Variants in AAK1 observed in about 807,000 individuals in gnomAD.
AAK1 encodes the protein AP2 associated kinase 1.
Under a neutral mutation model 116.0 loss-of-function variants are expected in AAK1, and 37 were observed. That is an observed-to-expected ratio of 0.32 (90% confidence interval 0.25 to 0.42). AAK1 has a LOEUF of 0.42. AAK1 is among the 10% of genes least tolerant of loss of function. The pLI, the probability that AAK1 is intolerant of heterozygous loss-of-function variation, is 1.00. For synonymous variants in AAK1, 458 were observed against 439.9 expected, an observed-to-expected ratio of 1.04 and a Z score of -0.51; for missense variants, 919 against 1,170.6, an observed-to-expected ratio of 0.79 and a Z score of 3.14.
chr2:69,519,168 A>T lies in AAK1; in HGVS notation c.1283T>A (p.Leu428Gln). 2 of 1,586,146 alleles carry T rather than the reference A, an allele frequency of 1.3e-6. No individual in the cohort carries two copies. The highest frequency in any genetic ancestry group is 1.7e-6 in the Non-Finnish European group (2 of 1,165,978). ...TGGCTGCTTGGCCTGAGTTTGCGGC[A>T]GAGGCTGGCTGGGTGGGGCTTGGGG... Reference protein sequence around the residue: ...PKPQAPPSQPLPQTQAKQPQA... With the variant: ...PKPQAPPSQPQPQTQAKQPQA... Residue 428 changes from leucine to glutamine, a missense_variant, in exon 12 of 22, where the codon CTG (leucine) becomes CAG (glutamine). By Grantham distance (113) the Leu-to-Gln change is moderately radical. This residue lies in a region of AAK1 where 214 missense variants were observed against 210.6 expected (regional missense o/e 1.02). Coordinates refer to ENST00000409085, the MANE Select transcript of AAK1 (RefSeq NM_014911.5).
chr2:69,522,697 G>A (rs1669840614), intron 10 of AAK1, among the ~76,000 whole-genome samples: 2 of 152,012 alleles, frequency 1.3e-5, no homozygotes, highest in East Asian at 1.9e-4. Flanking sequence ...CCAGCTACTC[G>A]GGAGGCTGAG....
chr2:69,589,804 G>A (rs1191190267), intron 2 of AAK1, among the ~76,000 whole-genome samples: 1 of 151,986 alleles, frequency 6.6e-6, no homozygotes, highest in Non-Finnish European at 1.5e-5. Flanking sequence ...GCAATCCCTA[G>A]GAATGATCTG....
chr2:69,576,062 G>C (rs780432498), intron 2 of AAK1, among the ~76,000 whole-genome samples: 3 of 152,160 alleles, frequency 2.0e-5, no homozygotes, highest in Non-Finnish European at 4.4e-5. Context: ...AAAGAAGAAT[G>C]AAAGTACCCT....
At chr2:69,518,910 A>G in intron 12 of AAK1, 44 bp downstream of exon 12, 1 of 1,493,522 alleles carries the variant, frequency 6.7e-7, no homozygotes, top group Non-Finnish European at 8.9e-7. Context: ...TTTCACAGTC[A>G]TGACTCAGAT....
chr2:69,482,537 A>G (rs1457313961), intron 18 of AAK1, 174 bp downstream of exon 18: 1 of 715,022 alleles, frequency 1.4e-6, no homozygotes, highest in African/African-American at 1.8e-5. Flanking sequence ...TAGACGTTGT[A>G]CCCCCGAAAA....
At position 69,480,967 on chromosome 2, in the gene AAK1, G is replaced by T; in HGVS notation, c.2468-6C>A. 1 of 1,592,986 alleles carries T rather than the reference G, an allele frequency of 6.3e-7. No individual in the cohort carries two copies. Among genetic ancestry groups the T allele is most frequent in the Non-Finnish European group, 8.6e-7 (1 of 1,169,346 alleles). ...AACAGCAACATCAGCTTTTTCTTTC[G>T]TAACAGAGCATTAAGAAGAGGAAAG... On this transcript the variant is annotated splice_region_variant and splice_polypyrimidine_tract_variant and intron_variant, in intron 18 of 21. Coordinates refer to ENST00000409085, the MANE Select transcript of AAK1 (RefSeq NM_014911.5).
At chr2:69,499,121 T>C (rs920555657) in intron 16 of AAK1, among the ~76,000 whole-genome samples, 1 of 152,072 alleles carries the variant, frequency 6.6e-6, no homozygotes, top group Non-Finnish European at 1.5e-5. Flanking sequence ...CTCAGGACTG[T>C]GAGTATCTGC....
chr2:69,469,675 G>A lies in AAK1; in HGVS notation c.*6194C>T, dbSNP rs1380652206. 1 of 985,150 alleles carries A rather than the reference G, an allele frequency of 1.0e-6. No homozygotes were observed. The highest frequency in any genetic ancestry group is 1.7e-5 in the African/African-American group (1 of 57,168). 61.0% of individuals were successfully genotyped at this position (985,150 alleles called of 1,614,324 possible). ...GGGCCTGGCTTCATAGTCTGCACAG[G>A]GTCTTACTTATCATAGAGCCTAACG... On this transcript the variant is annotated 3_prime_UTR_variant, in exon 22 of 22. Transcript: ENST00000409085.
At chr2:69,553,691 C>G (rs1367708130) in intron 3 of AAK1, among the ~76,000 whole-genome samples, 1 of 151,806 alleles carries the variant, frequency 6.6e-6, no homozygotes, top group Non-Finnish European at 1.5e-5. Context: ...ATCTGCCCAC[C>G]TTGGCCGCCC....
chr2:69,641,891 C>T (rs539852257), intron 2 of AAK1, among the ~76,000 whole-genome samples: 1 of 152,268 alleles, frequency 6.6e-6, no homozygotes, highest in Admixed American at 6.5e-5. Context: ...CAACCTACAG[C>T]AGGTTGGCCC....
intron 16 of AAK1, among the ~76,000 whole-genome samples, chr2:69,504,724 G>C (rs890852294): frequency 2.0e-5 from 3 of 152,092 alleles, no homozygotes; most frequent in Admixed American, 2.0e-4. Context: ...CCAAGATTGA[G>C]CCATTGCACT....
chr2:69,609,578 C>T (rs1456455441), intron 2 of AAK1, among the ~76,000 whole-genome samples: 1 of 151,916 alleles, frequency 6.6e-6, no homozygotes, highest in Non-Finnish European at 1.5e-5. Context: ...GCAGGAGAAT[C>T]ATTTGAACCC....
Position 69,475,031 on chromosome 2 carries a change from T to C in AAK1, c.*838A>G. The C allele has an allele frequency of 1.0e-6, 1 of 963,680 alleles. No homozygotes were observed. Among genetic ancestry groups the C allele is most frequent in the Non-Finnish European group, 1.2e-6 (1 of 826,110 alleles). The allele number at this position is 963,680 out of a possible 1,614,324, so 59.7% of individuals were successfully genotyped here. ...AAAAGGTATCATATTACCACCGTCTTGTTTTGGTCTAATTCTGAGATCCCA... is the reference window on the plus strand; with the variant it reads ...AAAAGGTATCATATTACCACCGTCTCGTTTTGGTCTAATTCTGAGATCCCA... On this transcript the variant is annotated 3_prime_UTR_variant, in exon 22 of 22. Coordinates refer to ENST00000409085, the MANE Select transcript of AAK1 (RefSeq NM_014911.5).
intron 2 of AAK1, among the ~76,000 whole-genome samples, chr2:69,574,956 C>G (rs1672241327): frequency 6.6e-6 from 1 of 151,312 alleles, no homozygotes; most frequent in African/African-American, 2.4e-5. Flanking sequence ...CCACTGCACT[C>G]CAGCCTGGGT....
At chr2:69,549,304 G>C (rs1671074454) in intron 3 of AAK1, among the ~76,000 whole-genome samples, 1 of 152,208 alleles carries the variant, frequency 6.6e-6, no homozygotes, top group Admixed American at 6.5e-5. Context: ...AGGAGGTGGA[G>C]GTTGCAGTGA....
At chr2:69,507,647 A>AT (rs1183515114) in intron 14 of AAK1, 69 bp from the exon 15 acceptor site, 2 of 1,325,794 alleles carry the variant, frequency 1.5e-6, no homozygotes, top group Admixed American at 5.6e-5. Context: ...GGGTCAACTT[A>AT]TTTTCTCTGT....
At chr2:69,529,081 T>C (rs1483485808) in intron 8 of AAK1, among the ~76,000 whole-genome samples, 1 of 152,228 alleles carries the variant, frequency 6.6e-6, no homozygotes, top group Non-Finnish European at 1.5e-5. Context: ...CTATGTTAAG[T>C]GGATAAGTTA....
chr2:69,632,231 C>A (rs1355547942), intron 2 of AAK1, among the ~76,000 whole-genome samples: 1 of 152,214 alleles, frequency 6.6e-6, no homozygotes, highest in South Asian at 2.1e-4. Flanking sequence ...CTTACTTCAA[C>A]TTTACCAACA....
intron 5 of AAK1, among the ~76,000 whole-genome samples, chr2:69,536,613 C>G (rs1386156261): frequency 6.6e-6 from 1 of 152,178 alleles, no homozygotes; most frequent in Admixed American, 6.6e-5. Context: ...AATCCCGAAC[C>G]TTTCCATTCT....
Sources: gnomAD v4.1 joint callset for allele counts (sites outside exome capture counted in the v4.1 genomes callset) on GRCh38, gnomAD v4.1.1 for gene constraint, gnomAD v4.1.1 regional missense constraint, MANE v1.5 for transcripts, NCBI Gene and HGNC (gene_info 2026-07-23, HGNC 2026-07-21) for gene names.